Variants in ESR1 observed in about 807,000 individuals in gnomAD.
ESR1 encodes estrogen receptor.
Under a neutral mutation model 52.7 loss-of-function variants are expected in ESR1, and 12 were observed. The ratio of observed to expected loss-of-function variants is 0.23; its 90% CI spans 0.15 to 0.37. ESR1 has a LOEUF of 0.37. ESR1 is among the 10% of genes least tolerant of loss of function. The pLI, the probability that ESR1 is intolerant of heterozygous loss-of-function variation, is 1.00. For synonymous variants in ESR1, 305 were observed against 316.8 expected, an observed-to-expected ratio of 0.96 and a Z score of 0.39; for missense variants, 584 against 779.7, an observed-to-expected ratio of 0.75 and a Z score of 2.99.
chr6:152,003,997 T>C (rs1156954744), intron 4 of ESR1, among the ~76,000 whole-genome samples: 1 of 152,070 alleles, frequency 6.6e-6, no homozygotes, highest in African/African-American at 2.4e-5. Flanking sequence ...CTTTGTATTA[T>C]AGTTATTTTA....
intron 6 of ESR1, among the ~76,000 whole-genome samples, chr6:152,077,805 G>C (rs1414212988): frequency 3.3e-5 from 5 of 152,190 alleles, no homozygotes; most frequent in Non-Finnish European, 7.3e-5. Context: ...TGGAGCTGCT[G>C]TATTTACCCA....
At chr6:152,117,767 A>G (rs2152515025) in intron 6 of ESR1, among the ~76,000 whole-genome samples, 1 of 152,304 alleles carries the variant, frequency 6.6e-6, no homozygotes, top group African/African-American at 2.4e-5. Context: ...GTTCTCTCCC[A>G]AATTTAGGCC....
At chr6:151,724,984 T>A (rs899271347) in intron 2 of ESR1, among the ~76,000 whole-genome samples, 3 of 152,218 alleles carry the variant, frequency 2.0e-5, no homozygotes, top group Non-Finnish European at 4.4e-5. Flanking sequence ...TTATCCTGTA[T>A]TGTCAGCACA....
At chr6:151,956,605 T>C (rs924946603) in intron 4 of ESR1, among the ~76,000 whole-genome samples, 5 of 152,000 alleles carry the variant, frequency 3.3e-5, no homozygotes, top group African/African-American at 9.7e-5. Context: ...TAACATAGAA[T>C]AGTTTAGTAT....
intron 2 of ESR1, among the ~76,000 whole-genome samples, chr6:151,741,267 A>C (rs187265507): frequency 1.6e-3 from 248 of 152,146 alleles, no homozygotes; most frequent in African/African-American, 5.9e-3. Context: ...CTTAGCTTAA[A>C]TGTGTTGCAC....
At chr6:151,676,187 C>G (rs533572924) in intron 1 of ESR1, among the ~76,000 whole-genome samples, 1 of 152,050 alleles carries the variant, frequency 6.6e-6, no homozygotes, top group Non-Finnish European at 1.5e-5. Context: ...AGGAGGTGCC[C>G]GAAGGAGGCC....
intron 1 of ESR1, among the ~76,000 whole-genome samples, chr6:151,684,814 G>A (rs1189133943): frequency 6.6e-6 from 1 of 152,176 alleles, no homozygotes; most frequent in East Asian, 1.9e-4. Context: ...AGTGCTGGGG[G>A]GCCAAGGCTG....
chr6:151,874,110 C>A (rs1346482711), intron 2 of ESR1, among the ~76,000 whole-genome samples: 1 of 152,110 alleles, frequency 6.6e-6, no homozygotes, highest in East Asian at 1.9e-4. Context: ...TTTTAGAATT[C>A]ATTTTTATTT....
chr6:151,941,174 T>C (rs1396427625), intron 3 of ESR1, among the ~76,000 whole-genome samples: 1 of 152,216 alleles, frequency 6.6e-6, no homozygotes, highest in Admixed American at 6.5e-5. Flanking sequence ...TGATTTCACC[T>C]TAGGAAAAAC....
At chr6:151,670,594 A>AT (rs75926112) in intron 1 of ESR1, among the ~76,000 whole-genome samples, 1 of 117,996 alleles carries the variant, frequency 8.5e-6, no homozygotes, top group Non-Finnish European at 1.8e-5. Context: ...TTAAAAAAAA[A>AT]TTTTTTTTTG....
At chr6:151,675,132 GAAGC>G (rs927492074) in intron 1 of ESR1, among the ~76,000 whole-genome samples, 11 of 152,168 alleles carry the variant, frequency 7.2e-5, no homozygotes, top group Non-Finnish European at 1.5e-5. Context: ...TACAATATTA[GAAGC>G]AAGTGCTGTT....
intron 2 of ESR1, among the ~76,000 whole-genome samples, chr6:151,712,163 G>A (rs779121693): frequency 2.0e-5 from 3 of 152,022 alleles, no homozygotes; most frequent in Non-Finnish European, 4.4e-5. Flanking sequence ...TAGATGTGTG[G>A]CGTTATTTCT....
intron 5 of ESR1, among the ~76,000 whole-genome samples, chr6:152,054,324 AG>A (rs1478318527): frequency 6.6e-6 from 1 of 152,022 alleles, no homozygotes; most frequent in African/African-American, 2.4e-5. Flanking sequence ...GTTCCAGAGG[AG>A]TCTTTAAATC....
At chr6:152,083,486 A>G (rs904717877) in intron 6 of ESR1, among the ~76,000 whole-genome samples, 4 of 152,164 alleles carry the variant, frequency 2.6e-5, no homozygotes, top group African/African-American at 9.6e-5. Flanking sequence ...AAAGACTTAA[A>G]TGTAAGACCT....
At chr6:151,724,226 C>A (rs1473994955) in intron 2 of ESR1, among the ~76,000 whole-genome samples, 1 of 152,110 alleles carries the variant, frequency 6.6e-6, no homozygotes, top group Admixed American at 6.5e-5. Context: ...TCCACAAATA[C>A]CTTCCTAGTT....
chr6:151,847,031 T>A (rs1484832577), intron 2 of ESR1, among the ~76,000 whole-genome samples: 1 of 152,228 alleles, frequency 6.6e-6, no homozygotes, highest in Non-Finnish European at 1.5e-5. Flanking sequence ...ACTAGCTATG[T>A]TGCCATTTTA....
intron 4 of ESR1, among the ~76,000 whole-genome samples, chr6:151,954,368 T>C (rs954412899): frequency 2.0e-5 from 3 of 152,244 alleles, no homozygotes; most frequent in African/African-American, 7.2e-5. Context: ...GTCTAGGATT[T>C]ATCACTTAGC....
chr6:151,862,791 C>T (rs2128290138), intron 2 of ESR1, among the ~76,000 whole-genome samples: 1 of 152,166 alleles, frequency 6.6e-6, no homozygotes, highest in South Asian at 2.1e-4. Flanking sequence ...TCTTGCTTAA[C>T]AAGGTTCTAG....
chr6:151,773,842 A>G (rs1785723632), intron 2 of ESR1, among the ~76,000 whole-genome samples: 1 of 152,220 alleles, frequency 6.6e-6, no homozygotes, highest in Non-Finnish European at 1.5e-5. Flanking sequence ...TGGAGGTTAT[A>G]GTTGGAAAAT....
Sources: gnomAD v4.1 joint callset for allele counts (sites outside exome capture counted in the v4.1 genomes callset) on GRCh38, gnomAD v4.1.1 for gene constraint, MANE v1.5 for transcripts, NCBI Gene and HGNC (gene_info 2026-07-23, HGNC 2026-07-21) for gene names.